TBXAS1: variants seen among roughly 807,000 people sequenced by gnomAD.
TBXAS1 encodes thromboxane-A synthase.
Under a neutral mutation model 60.7 loss-of-function variants are expected in TBXAS1, and 48 were observed. The observed-to-expected ratio is 0.79, with a 90% CI of 0.63 to 1.01. The LOEUF is 1.01. TBXAS1 is among the 50% of genes least tolerant of loss of function. The pLI, the probability that TBXAS1 is intolerant of heterozygous loss-of-function variation, is 0.00. For synonymous variants in TBXAS1, 287 were observed against 269.7 expected, an observed-to-expected ratio of 1.06 and a Z score of -0.63; for missense variants, 685 against 686.3, an observed-to-expected ratio of 1.00 and a Z score of 0.02.
intron 4 of TBXAS1, among the ~76,000 whole-genome samples, chr7:139,806,221 G>A (rs1357025647): frequency 1.3e-5 from 2 of 151,228 alleles, no homozygotes; most frequent in Non-Finnish European, 2.9e-5. Flanking sequence ...TTACAGGCAT[G>A]AGCCACTGTG....
chr7:139,973,850 C>T (rs924275356), intron 9 of TBXAS1, among the ~76,000 whole-genome samples: 5 of 151,924 alleles, frequency 3.3e-5, no homozygotes, highest in African/African-American at 1.2e-4. Context: ...AGCCTCATTC[C>T]TCGAATGTTC....
At chr7:139,889,488 C>CT (rs978122164) in intron 3 of TBXAS1, among the ~76,000 whole-genome samples, 1 of 152,124 alleles carries the variant, frequency 6.6e-6, no homozygotes, top group East Asian at 1.9e-4. Flanking sequence ...ATAGTTTTAT[C>CT]TTTTTCTTAA....
In TBXAS1 at chr7:139,975,011, T is replaced by G. The variant is rs1262829502; in HGVS notation, c.1134+12778T>G. Among the ~76,000 whole-genome samples the G allele has an allele frequency of 6.6e-6, 1 of 152,184 alleles. No individual in the cohort carries two copies. The highest frequency in any genetic ancestry group is 2.4e-5 in the African/African-American group (1 of 41,450). ...AATTGGCTCATGTAATTTATGGAGT[T>G]TGGCAAGTGTGAAGTCTGCAGGGCA... On this transcript the variant is annotated intron_variant, in intron 9 of 12. Transcript: ENST00000448866. This position sits in a 1 kb window ranked among gnomAD's most constrained non-coding sequence, Gnocchi z 4.4.
intron 9 of TBXAS1, among the ~76,000 whole-genome samples, chr7:139,997,003 C>T (rs933508193): frequency 1.3e-5 from 2 of 152,196 alleles, no homozygotes; most frequent in African/African-American, 2.4e-5. Flanking sequence ...TCCTACATGT[C>T]GTTGTCAGAT....
chr7:140,004,018 T>C lies in TBXAS1; in HGVS notation c.1135-3073T>C, dbSNP rs1167116899. 6.6e-6 allele frequency among the ~76,000 whole-genome samples: 1 copy of C among 152,230 alleles called. No individual in the cohort carries two copies. The highest frequency in any genetic ancestry group is 1.5e-5 in the Non-Finnish European group (1 of 68,038). ...ATACATCTGATTCATTTCTTCTTTC[T>C]TGAGGCCAACTGCTGTTTTCTGCTC... On this transcript the variant is annotated intron_variant, in intron 9 of 12. Transcript: ENST00000448866. This position sits in a 1 kb window ranked among gnomAD's most constrained non-coding sequence, Gnocchi z 5.1.
intron 5 of TBXAS1, among the ~76,000 whole-genome samples, chr7:139,952,216 T>C (rs1809471905): frequency 6.6e-6 from 1 of 152,218 alleles, no homozygotes; most frequent in Non-Finnish European, 1.5e-5. Flanking sequence ...AGATTAACTT[T>C]ATAACTTTTC....
chr7:139,809,669 A>G (rs1797979688), intron 4 of TBXAS1, among the ~76,000 whole-genome samples: 1 of 152,154 alleles, frequency 6.6e-6, no homozygotes, highest in South Asian at 2.1e-4. Context: ...CCAGAGTCCA[A>G]AGGCCAGAGA....
chr7:139,873,270 G>A (rs966132207), intron 2 of TBXAS1, among the ~76,000 whole-genome samples: 4 of 152,216 alleles, frequency 2.6e-5, no homozygotes, highest in Admixed American at 6.5e-5. Context: ...GCAGTTGGGT[G>A]AGAGAAAGGG....
chr7:139,797,790 C>G (rs1256120679), intron 4 of TBXAS1, among the ~76,000 whole-genome samples: 2 of 152,186 alleles, frequency 1.3e-5, no homozygotes, highest in East Asian at 3.8e-4. Flanking sequence ...ATACAGTGTT[C>G]AAACTTCCCT....
upstream of TBXAS1, among the ~76,000 whole-genome samples, chr7:139,825,415 G>A (rs967405749): frequency 6.6e-6 from 1 of 152,172 alleles, no homozygotes; most frequent in African/African-American, 2.4e-5. Flanking sequence ...CAGAATGGGT[G>A]TGGTAACGTC....
At chr7:139,876,079 A>G (rs1389638067) in intron 3 of TBXAS1, among the ~76,000 whole-genome samples, 1 of 152,234 alleles carries the variant, frequency 6.6e-6, no homozygotes, top group African/African-American at 2.4e-5. Flanking sequence ...GTGTGCTGCC[A>G]GCAACATGAC....
At chr7:139,879,129 G>A (rs961323800) in intron 3 of TBXAS1, among the ~76,000 whole-genome samples, 6 of 152,172 alleles carry the variant, frequency 3.9e-5, no homozygotes, top group Non-Finnish European at 8.8e-5. Flanking sequence ...AATAGGGCTG[G>A]AGAAGGTTTC....
At chr7:139,781,823 G>A (rs1372966682) in intron 2 of TBXAS1, among the ~76,000 whole-genome samples, 1 of 103,804 alleles carries the variant, frequency 9.6e-6, no homozygotes, top group African/African-American at 4.3e-5. Flanking sequence ...GGCAACAAGA[G>A]CTAAATTCCA....
chr7:139,874,966 A>G (rs1390836758), intron 2 of TBXAS1, among the ~76,000 whole-genome samples: 1 of 152,152 alleles, frequency 6.6e-6, no homozygotes, highest in African/African-American at 2.4e-5. Flanking sequence ...GTGGTGGCAC[A>G]TGCCTGTAAT....
chr7:140,018,621 T>A (rs1420271474), intron 12 of TBXAS1, among the ~76,000 whole-genome samples: 1 of 151,766 alleles, frequency 6.6e-6, no homozygotes, highest in African/African-American at 2.4e-5. Flanking sequence ...GGAGCTTATA[T>A]CCCCTGCTTT....
intron 3 of TBXAS1, among the ~76,000 whole-genome samples, chr7:139,910,293 G>A (rs900775812): frequency 2.0e-5 from 3 of 152,154 alleles, no homozygotes; most frequent in Admixed American, 2.0e-4. Context: ...CACGCCACCA[G>A]CTGACTGACT....
intron 1 of TBXAS1, among the ~76,000 whole-genome samples, chr7:139,844,073 A>G (rs1350827486): frequency 1.3e-5 from 2 of 152,232 alleles, no homozygotes; most frequent in East Asian, 3.8e-4. Context: ...AGATAGAGGA[A>G]TTGCCCCATT....
intron 9 of TBXAS1, 85 bp downstream of exon 9, chr7:139,962,318 T>C: frequency 1.3e-6 from 2 of 1,491,486 alleles, no homozygotes; most frequent in Non-Finnish European, 1.9e-6. Context: ...TTATTTTTAA[T>C]GACTTGCTAA....
At chr7:140,015,090 A>G (rs78776220) in intron 10 of TBXAS1, among the ~76,000 whole-genome samples, 1 of 146,990 alleles carries the variant, frequency 6.8e-6, no homozygotes, top group Non-Finnish European at 1.5e-5. Context: ...AAAAACAAAC[A>G]AACCAAAGAA....
Sources: gnomAD v4.1 joint callset for allele counts (sites outside exome capture counted in the v4.1 genomes callset) on GRCh38, gnomAD v4.1.1 for gene constraint, Gnocchi (gnomAD v3.1) non-coding constraint, MANE v1.5 for transcripts, NCBI Gene and HGNC (gene_info 2026-07-23, HGNC 2026-07-21) for gene names.